The following DLG5 variants were observed in gnomAD, a reference collection of about 807,000 sequenced individuals.
DLG5 encodes discs large MAGUK scaffold protein 5.
In DLG5, 48 loss-of-function variants were observed where a neutral mutation model predicts 189.8. That is an observed-to-expected ratio of 0.25 (90% CI 0.20 to 0.32). The LOEUF is 0.32. Among genes scored for constraint, DLG5 ranks in the 10% least tolerant of loss-of-function variants. The pLI is 1.00. For synonymous variants in DLG5, 1,016 were observed against 1,054.1 expected (o/e 0.96, Z 0.70); for missense variants, 2,160 against 2,544.7 (o/e 0.85, Z 3.25).
At chr10:77,889,523 C>G (rs1341579242) in intron 1 of DLG5, 3 of 152,230 alleles carry the variant, frequency 2.0e-5, no homozygotes, top group Non-Finnish European at 2.9e-5. Context: ...TCAACCCAGT[C>G]GGGGACTGTG....
At position 77,793,922 on chromosome 10, in the gene DLG5, T is replaced by C; in HGVS notation, c.5656+86A>G. ...TTGGGAGCATGTAGAAAGTGCGGGCTTCTCCACGGCTAAGAAAACAGCCTT... is the reference window on the plus strand; with the variant it reads ...TTGGGAGCATGTAGAAAGTGCGGGCCTCTCCACGGCTAAGAAAACAGCCTT... On this transcript the variant is annotated intron_variant, in intron 31 of 31. Coordinates refer to ENST00000372391, the MANE Select transcript of DLG5 (RefSeq NM_004747.4). 10 of 1,277,668 alleles carry C rather than the reference T, an allele frequency of 7.8e-6. No individual in the cohort carries two copies. The South Asian group carries it at 1.1e-4, about 14-fold the overall frequency. 79.1% of individuals were successfully genotyped at this position (1,277,668 alleles called of 1,614,324 possible). A position where few individuals can be genotyped will look rare whatever the true frequency, so the allele number is the denominator to read the frequency against.
chr10:77,842,621 C>T (rs961808741), intron 6 of DLG5, among the ~76,000 whole-genome samples: 1 of 152,236 alleles, frequency 6.6e-6, no homozygotes, highest in Non-Finnish European at 1.5e-5. Flanking sequence ...TCGAAGAGCA[C>T]AGCTCTGTCC....
chr10:77,821,125 C>A lies in DLG5; in HGVS notation c.3359G>T (p.Arg1120Leu). 2 of 1,614,000 alleles carry A rather than the reference C, an allele frequency of 1.2e-6. No homozygotes were observed. Among genetic ancestry groups the A allele is most frequent in the East Asian group, 4.5e-5 (2 of 44,876 alleles). Residue 1120 changes from arginine (R) to leucine (L), a missense_variant, in exon 15 of 32, where the codon CGG becomes CTG. Around this residue, in one of 5 missense-constraint regions of DLG5, gnomAD observed 754 missense variants for 746.5 expected, o/e 1.01. Coordinates refer to ENST00000372391, the MANE Select transcript of DLG5 (RefSeq NM_004747.4). ...AATCACTACTGGAGCAAGCTTCGGC[C>A]GAAAACTGGGAGCAGATTTTGGCCG... Reference protein sequence around the residue: ...RRRPKSAPSFRPKLAPVVIPA... With the variant: ...RRRPKSAPSFLPKLAPVVIPA...
chr10:77,855,805 T>C (rs982928713), intron 3 of DLG5, among the ~76,000 whole-genome samples: 2 of 152,174 alleles, frequency 1.3e-5, no homozygotes, highest in Admixed American at 1.3e-4. Flanking sequence ...GAGGTGAAAC[T>C]GAAGTGTTTA....
At chr10:77,814,461 T>TATA (rs1841938538) in intron 20 of DLG5, among the ~76,000 whole-genome samples, 3 of 70,700 alleles carry the variant, frequency 4.2e-5, no homozygotes, top group East Asian at 5.2e-4. Context: ...TAAAGCATGT[T>TATA]TATATATATA....
At chr10:77,939,800 G>A in the DLG5 span, among the ~76,000 whole-genome samples, 10 of 152,228 alleles carry the variant, frequency 6.6e-5, no homozygotes, top group African/African-American at 2.4e-4. Context: ...CTCCATGGGA[G>A]GCCTCGTTTA....
intron 23 of DLG5, 47 bp downstream of exon 23, chr10:77,811,047 C>G (rs781111407): frequency 1.0e-5 from 16 of 1,585,318 alleles, no homozygotes. Context: ...CTCAGCCCCA[C>G]CCAGCCGAAG....
intron 9 of DLG5, 89 bp downstream of exon 9, chr10:77,833,825 A>G: frequency 6.4e-7 from 1 of 1,550,946 alleles, no homozygotes; most frequent in East Asian, 2.3e-5. Flanking sequence ...GCCCTGGCCA[A>G]TGCACTCAGC....
At chr10:77,867,116 C>T in intron 2 of DLG5, 1 of 456,370 alleles carries the variant, frequency 2.2e-6, no homozygotes, top group South Asian at 1.6e-5. Flanking sequence ...CAGGTGAGTG[C>T]AGAACCAACT....
chr10:77,865,654 TGCCTGAAACGAGTGTGCAGTCCC>T (rs1430168234), intron 2 of DLG5, among the ~76,000 whole-genome samples: 2 of 152,172 alleles, frequency 1.3e-5, no homozygotes, highest in African/African-American at 4.8e-5. Context: ...AAGTACTGAT[TGCCTGAAACGAGTGTGCAGTCCC>T]CAGGCAGATC....
At chr10:77,918,840 C>T (rs1215840259) in intron 1 of DLG5, among the ~76,000 whole-genome samples, 1 of 152,142 alleles carries the variant, frequency 6.6e-6, no homozygotes, top group African/African-American at 2.4e-5. Context: ...CTCACATCTT[C>T]CCAGGGTTTC....
chr10:77,832,942 C>T (rs1177589882), intron 9 of DLG5, among the ~76,000 whole-genome samples: 1 of 152,088 alleles, frequency 6.6e-6, no homozygotes, highest in African/African-American at 2.4e-5. Flanking sequence ...AGCTCTTTGT[C>T]TCATTAGGAA....
intron 19 of DLG5, 52 bp downstream of exon 19, chr10:77,816,955 G>T: frequency 6.3e-7 from 1 of 1,576,354 alleles, no homozygotes; most frequent in Admixed American, 1.7e-5. Context: ...CCACCATGAG[G>T]AGTCAGACCG....
chr10:77,935,250 G>A, the DLG5 span, among the ~76,000 whole-genome samples: 9 of 152,098 alleles, frequency 5.9e-5, no homozygotes, highest in Non-Finnish European at 1.3e-4. Flanking sequence ...CTCTGTGGGA[G>A]CAGAAGAGAC....
At chr10:77,928,029 T>C (rs1846747119), upstream of DLG5, 2 of 152,230 alleles carry the variant, frequency 1.3e-5, no homozygotes, top group African/African-American at 4.8e-5. Flanking sequence ...GTCTTCTTAG[T>C]CTGCTTCTTC....
chr10:77,833,880 A>C, intron 9 of DLG5, 34 bp downstream of exon 9: 1 of 1,601,084 alleles, frequency 6.2e-7, no homozygotes, highest in African/African-American at 1.3e-5. Context: ...TCCCAGATGC[A>C]TGCCCACTCC....
rs548907736 is a variant in DLG5, at chr10:77,807,296, C to T, written c.4797-368G>A. Among the ~76,000 whole-genome samples the T allele has an allele frequency of 2.0e-5, 3 of 152,298 alleles. No individual in the cohort carries two copies. In the South Asian group the frequency reaches 6.2e-4, roughly 32 times the overall value. Reference sequence around the variant, plus strand: ...GGATGGAAATATGTCATCTTCTACCCTAGAGACAGGGAGTTGTACCGCATC... The same window carrying T: ...GGATGGAAATATGTCATCTTCTACCTTAGAGACAGGGAGTTGTACCGCATC... On this transcript the variant is annotated intron_variant, in intron 25 of 31. Transcript: ENST00000372391.
rs1159866300 is a variant in DLG5 at position 77,791,078 on chromosome 10, G to C, written c.*1362C>G. 1.3e-5 allele frequency: 2 copies of C among 152,486 alleles called. No individual in the cohort carries two copies. The highest frequency in any genetic ancestry group is 2.9e-5 in the Non-Finnish European group (2 of 67,984). 9.4% of individuals were successfully genotyped at this position (152,486 alleles called of 1,614,324 possible). On this transcript the variant is annotated 3_prime_UTR_variant, in exon 32 of 32. Transcript: ENST00000372391. ...GAGGACTGAAACTTGTCTCTTTTTT[G>C]AACAACTGTGCAAGAAAATATATCC... is the stretch of plus-strand genomic sequence containing the variant.
intron 3 of DLG5, 52 bp downstream of exon 3, chr10:77,856,678 G>T (rs371300640): frequency 5.2e-5 from 82 of 1,588,848 alleles, no homozygotes; most frequent in Middle Eastern, 4.2e-4. Flanking sequence ...CCAGCATCGG[G>T]GTAGTAATCC....
Sources: allele counts gnomAD v4.1 joint callset (sites outside exome capture counted in the v4.1 genomes callset), GRCh38; gene constraint gnomAD v4.1.1; regional missense constraint gnomAD v4.1.1; transcripts MANE v1.5; gene names NCBI Gene and HGNC (gene_info 2026-07-23, HGNC 2026-07-21).